ANKRD26: variants seen among roughly 807,000 people sequenced by gnomAD.
The protein encoded by ANKRD26 is ankyrin repeat domain-containing protein 26.
A neutral mutation model predicts 208.7 loss-of-function variants in ANKRD26; 141 were observed. That is an observed-to-expected ratio of 0.68 (90% CI 0.59 to 0.78). The LOEUF (loss-of-function observed/expected upper bound fraction) is 0.78. Among genes scored for constraint, ANKRD26 ranks in the 30% least tolerant of loss-of-function variants. The pLI is 0.00. For missense variants in ANKRD26, 1,889 were observed against 1,938.7 expected, an observed-to-expected ratio of 0.97 and a Z score of 0.48; for synonymous variants, 636 against 660.4, an observed-to-expected ratio of 0.96 and a Z score of 0.57.
chr10:26,974,962 A>G (rs1044141216), exon 6 of ANKRD26, among the ~76,000 whole-genome samples: 2 of 152,032 alleles, frequency 1.3e-5, no homozygotes, highest in African/African-American at 4.8e-5. Flanking sequence ...CTGCAGTTTT[A>G]TTACAATATG....
chr10:27,092,455 A>G lies in ANKRD26; in HGVS notation c.589T>C (p.Phe197Leu). The change falls in exon 4 of 34, where the codon TTT (phenylalanine) becomes CTT (leucine). Residue 197 changes from phenylalanine to leucine, a missense_variant. By Grantham distance (22) the Phe-to-Leu change is conservative. Transcript: ENST00000376087. ...VSGKKQQMVE[F>L]LIKKKANVNA... is the part of the protein sequence containing the mutation. ...ACATTTGCTTTTTTCTTTATTAAAA[A>G]TTCCACCATTTGCTGCTTTTTTCCA... 1 of 1,613,796 alleles carries G rather than the reference A, an allele frequency of 6.2e-7. No individual in the cohort carries two copies.
downstream of ANKRD26, among the ~76,000 whole-genome samples, chr10:26,987,283 G>A (rs866662276): frequency 1.2e-4 from 18 of 151,910 alleles, 1 homozygote; most frequent in Middle Eastern, 0.01. Context: ...CCTGTTGTGG[G>A]GTGGGGGTAT....
At chr10:27,092,547 A>C in intron 3 of ANKRD26, 35 bp from the exon 4 acceptor site, 2 of 1,458,340 alleles carry the variant, frequency 1.4e-6, no homozygotes, top group Non-Finnish European at 9.6e-7. Context: ...AAATGCATAA[A>C]ATTACATAAT....
intron 20 of ANKRD26, 67 bp downstream of exon 20, chr10:27,043,359 A>G: frequency 1.3e-6 from 2 of 1,558,322 alleles, no homozygotes; most frequent in Non-Finnish European, 1.8e-6. Flanking sequence ...ATGTACATAC[A>G]TTTATTACAT....
chr10:27,002,216 G>T (rs958372491), downstream of ANKRD26, among the ~76,000 whole-genome samples: 12 of 152,190 alleles, frequency 7.9e-5, no homozygotes, highest in Admixed American at 7.9e-4. Flanking sequence ...GGAGTCCAAG[G>T]GGGAGTGGGA....
intron 11 of ANKRD26, among the ~76,000 whole-genome samples, chr10:27,064,917 C>T (rs2055187059): frequency 6.6e-6 from 1 of 152,162 alleles, no homozygotes; most frequent in African/African-American, 2.4e-5. Context: ...CTTATTTGCA[C>T]ATTTTCTTTT....
intron 4 of ANKRD26, among the ~76,000 whole-genome samples, chr10:26,995,308 A>G (rs932560695): frequency 6.6e-5 from 10 of 152,212 alleles, no homozygotes; most frequent in Non-Finnish European, 1.0e-4. Context: ...GTAGGAAGGG[A>G]ACCCATGATT....
At chr10:27,065,940 A>T (rs1160032927) in intron 11 of ANKRD26, among the ~76,000 whole-genome samples, 1 of 132,196 alleles carries the variant, frequency 7.6e-6, no homozygotes, top group Non-Finnish European at 1.5e-5. Flanking sequence ...ATCTCAGCTC[A>T]CTACAACCTC....
chr10:26,982,444 T>C (rs2052322150), intron 4 of ANKRD26, among the ~76,000 whole-genome samples: 1 of 152,130 alleles, frequency 6.6e-6, no homozygotes, highest in Admixed American at 6.5e-5. Flanking sequence ...TAAAATCATT[T>C]GGAGAAAGCA....
At chr10:27,003,629 T>C (rs901797245), downstream of ANKRD26, among the ~76,000 whole-genome samples, 3 of 152,162 alleles carry the variant, frequency 2.0e-5, no homozygotes, top group Non-Finnish European at 4.4e-5. Context: ...AAAGTCAACA[T>C]TGGCCAGTAA....
chr10:27,014,828 T>A (rs1189010980), intron 30 of ANKRD26, 117 bp from the exon 31 acceptor site: 16 of 784,512 alleles, frequency 2.0e-5, no homozygotes, highest in Non-Finnish European at 2.3e-5. Context: ...AAGAGAAAGA[T>A]CTCTGTGCCA....
Position 27,077,356 on chromosome 10 carries a change from T to C in ANKRD26, c.1059A>G (p.Ala353=). Residue 353 remains alanine (A), a synonymous_variant, in exon 9 of 34, where the codon GCA becomes GCG. Coordinates refer to ENST00000376087, the MANE Select transcript of ANKRD26 (RefSeq NM_014915.3). ...AACTTACCTTCATAAGACCAGGGTT[T>C]GCTAACGACTTGTGGGAAGGTTTTG... ...LLPKPSHKSL[A]NPGLMKEEPT... is the part of the protein sequence containing the mutation. 6.2e-7 allele frequency: 1 copy of C among 1,613,908 alleles called. No homozygotes were observed. Among genetic ancestry groups the C allele is most frequent in the South Asian group, 1.1e-5 (1 of 91,082 alleles).
intron 3 of ANKRD26, among the ~76,000 whole-genome samples, chr10:26,986,494 C>A (rs2052389942): frequency 6.6e-6 from 1 of 152,134 alleles, no homozygotes; most frequent in Admixed American, 6.5e-5. Flanking sequence ...GAACAGGCAA[C>A]CTACAGAATG....
downstream of ANKRD26, among the ~76,000 whole-genome samples, chr10:26,973,831 T>C (rs1474408528): frequency 6.6e-6 from 1 of 151,680 alleles, no homozygotes; most frequent in African/African-American, 2.4e-5. Flanking sequence ...TTTTTGTATT[T>C]TTTTTAGTAG....
downstream of ANKRD26, among the ~76,000 whole-genome samples, chr10:26,971,689 A>G (rs956443241): frequency 4.0e-5 from 6 of 151,672 alleles, no homozygotes; most frequent in Non-Finnish European, 5.9e-5. Context: ...AAAAAAAAAA[A>G]AAAAGAAAAC....
chr10:26,950,317 T>A, the ANKRD26 span, among the ~76,000 whole-genome samples: 1 of 152,252 alleles, frequency 6.6e-6, no homozygotes, highest in Admixed American at 6.5e-5. Flanking sequence ...CTTCACCCTC[T>A]GTGATGATTG....
chr10:27,084,617 C>T (rs1350124929), intron 5 of ANKRD26, among the ~76,000 whole-genome samples: 1 of 152,108 alleles, frequency 6.6e-6, no homozygotes, highest in East Asian at 1.9e-4. Context: ...CCTGTAATCC[C>T]AATACTTTGG....
At chr10:27,018,141 A>AATTTTTT (rs2053362916) in intron 29 of ANKRD26, among the ~76,000 whole-genome samples, 1 of 131,162 alleles carries the variant, frequency 7.6e-6, no homozygotes, top group Non-Finnish European at 1.6e-5. Flanking sequence ...ATGCCCTATA[A>AATTTTTT]TTTTTTTTTT....
In ANKRD26 at chr10:27,077,043, A is replaced by G. The variant is rs1460569738; in HGVS notation, c.1077+295T>C. On this transcript the variant is annotated intron_variant, in intron 9 of 33. Transcript: ENST00000376087. Reference sequence around the variant, plus strand: ...TACCAAAGCCAGAAAAGGACATAACAAAAAAAGAAAACTGCAGACCAATAT... The same window carrying G: ...TACCAAAGCCAGAAAAGGACATAACGAAAAAAGAAAACTGCAGACCAATAT... The G allele has an allele frequency of 1.9e-5, 7 of 375,790 alleles. No homozygotes were observed. In the East Asian group the frequency reaches 4.0e-4, roughly 22 times the overall value. 23.3% of individuals were successfully genotyped at this position (375,790 alleles called of 1,614,324 possible). A position where few individuals can be genotyped will look rare whatever the true frequency, so the allele number is the denominator to read the frequency against.
Sources: allele counts gnomAD v4.1 joint callset (sites outside exome capture counted in the v4.1 genomes callset), GRCh38; gene constraint gnomAD v4.1.1; transcripts MANE v1.5; gene names NCBI Gene and HGNC (gene_info 2026-07-23, HGNC 2026-07-21).